Variants in ARB2A observed in about 807,000 individuals in gnomAD.
The protein encoded by ARB2A is ARB2 cotranscriptional regulator A, also known as cotranscriptional regulator ARB2A.
At chr5:93,737,179 C>T in the ARB2A span, 3 of 152,122 alleles carry the variant, frequency 2.0e-5, no homozygotes, top group African/African-American at 4.8e-5. Flanking sequence ...ATGAAGGAAA[C>T]TATTCCATTT....
the ARB2A span, chr5:93,740,885 T>A: frequency 6.2e-7 from 1 of 1,614,002 alleles, no homozygotes. Flanking sequence ...TGGAAGAATT[T>A]CTCCAGGCTG....
chr5:93,739,930 T>C, the ARB2A span: 3 of 131,560 alleles, frequency 2.3e-5, no homozygotes, highest in Non-Finnish European at 3.1e-5. Flanking sequence ...TGGGACTACA[T>C]AAAGTAGGGA....
At chr5:93,984,970 T>C in the ARB2A span, among the ~76,000 whole-genome samples, 2 of 152,218 alleles carry the variant, frequency 1.3e-5, no homozygotes, top group African/African-American at 4.8e-5. Flanking sequence ...TTCATCCCTG[T>C]CCTCCTCCAT....
the ARB2A span, among the ~76,000 whole-genome samples, chr5:94,064,468 T>C: frequency 6.6e-6 from 1 of 152,172 alleles, no homozygotes; most frequent in African/African-American, 2.4e-5. Context: ...AGAAAGAGAT[T>C]TAGGCTTCCA....
chr5:93,874,821 T>C, the ARB2A span, among the ~76,000 whole-genome samples: 1 of 152,098 alleles, frequency 6.6e-6, no homozygotes, highest in African/African-American at 2.4e-5. Context: ...GCAGAATTGG[T>C]TGGCATCAGA....
At chr5:93,659,918 A>C in the ARB2A span, among the ~76,000 whole-genome samples, 1 of 152,152 alleles carries the variant, frequency 6.6e-6, no homozygotes, top group South Asian at 2.1e-4. Context: ...GTCACCTTGT[A>C]ATTCCTTGTA....
At chr5:94,111,167 T>G in the ARB2A span, among the ~76,000 whole-genome samples, 1 of 151,890 alleles carries the variant, frequency 6.6e-6, no homozygotes, top group Non-Finnish European at 1.5e-5. Context: ...GAAAAAAAAA[T>G]TAATACAACA....
the ARB2A span, among the ~76,000 whole-genome samples, chr5:93,956,676 T>TA: frequency 6.8e-3 from 976 of 142,936 alleles, 12 homozygotes; most frequent in African/African-American, 0.021. Flanking sequence ...TAGCCTAATT[T>TA]AAAAAAAAAA....
the ARB2A span, among the ~76,000 whole-genome samples, chr5:93,767,312 CA>C: frequency 2.0e-5 from 3 of 152,172 alleles, no homozygotes; most frequent in East Asian, 5.8e-4. Context: ...CAGGGAAATG[CA>C]AATCAAAACC....
chr5:94,024,698 A>T, the ARB2A span, among the ~76,000 whole-genome samples: 1 of 152,194 alleles, frequency 6.6e-6, no homozygotes, highest in Non-Finnish European at 1.5e-5. Context: ...GAGAGAGGTC[A>T]TTCTAGCCTA....
chr5:94,011,936 C>CAAAA, the ARB2A span, among the ~76,000 whole-genome samples: 140 of 30,022 alleles, frequency 4.7e-3, no homozygotes, highest in Non-Finnish European at 6.0e-3. Flanking sequence ...AAAGGGTAGA[C>CAAAA]AAAAAAAAAA....
the ARB2A span, among the ~76,000 whole-genome samples, chr5:93,885,229 A>C: frequency 6.6e-6 from 1 of 151,576 alleles, no homozygotes; most frequent in Non-Finnish European, 1.5e-5. Context: ...ATGTACCCAT[A>C]AAGTTTTATG....
chr5:93,899,530 AT>A, the ARB2A span, among the ~76,000 whole-genome samples: 163 of 152,228 alleles, frequency 1.1e-3, no homozygotes, highest in African/African-American at 3.8e-3. Context: ...GCAGAACAAG[AT>A]TTTTTGCTTT....
At chr5:93,683,004 C>G in the ARB2A span, 2 of 1,580,780 alleles carry the variant, frequency 1.3e-6, no homozygotes, top group Non-Finnish European at 8.6e-7. Context: ...GAACTAGGTC[C>G]TTTTGGTGTT....
At chr5:93,672,302 A>G in the ARB2A span, among the ~76,000 whole-genome samples, 1 of 151,582 alleles carries the variant, frequency 6.6e-6, no homozygotes, top group African/African-American at 2.4e-5. Context: ...ATGTTGCTGT[A>G]TGCATCACTA....
the ARB2A span, among the ~76,000 whole-genome samples, chr5:93,872,307 G>C: frequency 1.3e-5 from 2 of 152,096 alleles, no homozygotes; most frequent in Non-Finnish European, 2.9e-5. Context: ...AAGTCTAACA[G>C]ATATGATTAT....
At chr5:94,004,497 G>C in the ARB2A span, among the ~76,000 whole-genome samples, 1 of 151,908 alleles carries the variant, frequency 6.6e-6, no homozygotes. Context: ...CAGGAGAATA[G>C]CGTGAACCTG....
chr5:93,914,986 G>A, the ARB2A span, among the ~76,000 whole-genome samples: 1 of 151,794 alleles, frequency 6.6e-6, no homozygotes, highest in Non-Finnish European at 1.5e-5. Context: ...AGAGGCCAAG[G>A]GATCCTTATG....
chr5:93,662,932 G>T, the ARB2A span, among the ~76,000 whole-genome samples: 4 of 152,210 alleles, frequency 2.6e-5, no homozygotes, highest in African/African-American at 9.7e-5. Context: ...TTGGTTGTCT[G>T]ACGAGGGCTG....
Sources: allele counts gnomAD v4.1 joint callset (sites outside exome capture counted in the v4.1 genomes callset), GRCh38; gene constraint gnomAD v4.1.1; transcripts MANE v1.5; gene names NCBI Gene and HGNC (gene_info 2026-07-23, HGNC 2026-07-21).